Variants in EBF2 observed in about 807,000 individuals in gnomAD.
EBF2 encodes the protein transcription factor COE2.
EBF2 carries 21 observed loss-of-function variants against 72.8 expected under a neutral mutation model. The observed-to-expected ratio is 0.29, with a 90% CI of 0.20 to 0.42. The LOEUF (loss-of-function observed/expected upper bound fraction) is 0.42, where lower values mean the gene tolerates loss of function less well. EBF2 is among the 10% of genes least tolerant of loss of function. The pLI, the probability that EBF2 is intolerant of heterozygous loss-of-function variation, is 1.00. For synonymous variants in EBF2, 299 were observed against 274.2 expected (o/e 1.09, Z -0.89); for missense variants, 637 against 731.2 (o/e 0.87, Z 1.49).
At chr8:25,884,428 C>T (rs1331520671) in intron 10 of EBF2, among the ~76,000 whole-genome samples, 7 of 152,146 alleles carry the variant, frequency 4.6e-5, no homozygotes, top group South Asian at 2.1e-4. Flanking sequence ...CCACAGCTGG[C>T]GCCATCCTGG....
At chr8:26,027,188 C>A (rs957372109) in intron 6 of EBF2, among the ~76,000 whole-genome samples, 1 of 152,164 alleles carries the variant, frequency 6.6e-6, no homozygotes, top group Non-Finnish European at 1.5e-5. Flanking sequence ...TACCATGATT[C>A]TCTAAAAGTT....
intron 6 of EBF2, among the ~76,000 whole-genome samples, chr8:26,008,738 C>A (rs1025216311): frequency 7.8e-4 from 26 of 33,426 alleles, no homozygotes; most frequent in Non-Finnish European, 1.9e-3. Flanking sequence ...TCCTTAGAAA[C>A]CAAACAGAAA....
chr8:25,853,437 C>T (rs1042764544), intron 14 of EBF2, among the ~76,000 whole-genome samples: 1 of 151,994 alleles, frequency 6.6e-6, no homozygotes, highest in Non-Finnish European at 1.5e-5. Flanking sequence ...AACACTCAAA[C>T]TGATTCATAA....
chr8:25,964,540 A>G (rs1804084821), intron 6 of EBF2, among the ~76,000 whole-genome samples: 1 of 152,210 alleles, frequency 6.6e-6, no homozygotes. Context: ...TGGATTAGAT[A>G]GGACAACTGT....
At chr8:25,883,857 G>C (rs933277583) in intron 10 of EBF2, among the ~76,000 whole-genome samples, 2 of 152,098 alleles carry the variant, frequency 1.3e-5, no homozygotes, top group African/African-American at 4.8e-5. Context: ...CCTGGAACAA[G>C]ACCCGCTATC....
chr8:25,992,390 C>G (rs1172595131), intron 6 of EBF2, among the ~76,000 whole-genome samples: 3 of 144,136 alleles, frequency 2.1e-5, no homozygotes, highest in African/African-American at 5.1e-5. Context: ...AGACCAGATG[C>G]AAGCCAGGAG....
At chr8:25,870,952 CAG>C (rs1249669852) in intron 10 of EBF2, among the ~76,000 whole-genome samples, 2 of 152,058 alleles carry the variant, frequency 1.3e-5, no homozygotes, top group Non-Finnish European at 2.9e-5. Context: ...TACACACCGA[CAG>C]AATTTCATTT....
chr8:26,003,750 T>C (rs1352907072), intron 6 of EBF2, among the ~76,000 whole-genome samples: 1 of 152,042 alleles, frequency 6.6e-6, no homozygotes, highest in East Asian at 1.9e-4. Context: ...ACAGCCAGGA[T>C]TATTGAGAAC....
intron 6 of EBF2, among the ~76,000 whole-genome samples, chr8:26,011,852 TG>T (rs1805028802): frequency 6.6e-6 from 1 of 152,030 alleles, no homozygotes; most frequent in Non-Finnish European, 1.5e-5. Context: ...CCAGGACACA[TG>T]CACAGCCAGG....
At chr8:26,042,018 A>G in intron 2 of EBF2, 77 bp downstream of exon 2, 1 of 1,549,500 alleles carries the variant, frequency 6.5e-7, no homozygotes, top group Non-Finnish European at 8.8e-7. Context: ...GTGTCGCGAG[A>G]GTGACAGATG....
chr8:25,848,231 TG>T (rs1351067132), intron 15 of EBF2, among the ~76,000 whole-genome samples: 3 of 152,092 alleles, frequency 2.0e-5, no homozygotes, highest in Non-Finnish European at 4.4e-5. Context: ...AAATGAGGTT[TG>T]GGACCTTACA....
At chr8:26,011,125 G>A (rs951876515) in intron 6 of EBF2, among the ~76,000 whole-genome samples, 2 of 152,134 alleles carry the variant, frequency 1.3e-5, no homozygotes, top group African/African-American at 4.8e-5. Flanking sequence ...TATGGATAAA[G>A]GCAAACCACA....
intron 10 of EBF2, among the ~76,000 whole-genome samples, chr8:25,877,350 A>G (rs1268085203): frequency 5.3e-5 from 8 of 152,322 alleles, no homozygotes; most frequent in Non-Finnish European, 7.4e-5. Context: ...CTAGGCTAGC[A>G]TACCTCCTCC....
intron 6 of EBF2, among the ~76,000 whole-genome samples, chr8:26,010,226 T>C (rs1203955407): frequency 2.0e-5 from 3 of 152,120 alleles, no homozygotes; most frequent in African/African-American, 7.2e-5. Context: ...TATAACTTTG[T>C]GAATATGTTT....
At chr8:26,001,551 C>CT (rs368505102) in intron 6 of EBF2, among the ~76,000 whole-genome samples, 125 of 148,172 alleles carry the variant, frequency 8.4e-4, no homozygotes, top group Middle Eastern at 3.5e-3. Context: ...AGTTTATTTG[C>CT]TTTTTTTTTT....
intron 7 of EBF2, among the ~76,000 whole-genome samples, chr8:25,900,250 G>A (rs1172920402): frequency 2.0e-5 from 3 of 152,286 alleles, no homozygotes; most frequent in Non-Finnish European, 2.9e-5. Context: ...GAGCCCAGGG[G>A]TTCGAGACCA....
At chr8:25,987,223 T>A (rs539075594) in intron 6 of EBF2, among the ~76,000 whole-genome samples, 1 of 152,348 alleles carries the variant, frequency 6.6e-6, no homozygotes, top group African/African-American at 2.4e-5. Context: ...ATGATACATA[T>A]ATGAACATCA....
intron 6 of EBF2, among the ~76,000 whole-genome samples, chr8:26,003,641 G>A (rs1804778529): frequency 6.6e-6 from 1 of 152,122 alleles, no homozygotes; most frequent in Non-Finnish European, 1.5e-5. Flanking sequence ...CCACCTGGAA[G>A]GTGTTCAGGT....
At chr8:25,952,441 A>G (rs1323720325) in intron 6 of EBF2, among the ~76,000 whole-genome samples, 2 of 152,192 alleles carry the variant, frequency 1.3e-5, no homozygotes, top group Non-Finnish European at 2.9e-5. Flanking sequence ...GTATAAATAA[A>G]ATAATTACAG....
Sources: gnomAD v4.1 joint callset for allele counts (sites outside exome capture counted in the v4.1 genomes callset) on GRCh38, gnomAD v4.1.1 for gene constraint, MANE v1.5 for transcripts, NCBI Gene and HGNC (gene_info 2026-07-23, HGNC 2026-07-21) for gene names.